GLIS1: variants seen among roughly 807,000 people sequenced by gnomAD.
GLIS1 encodes the protein zinc finger protein GLIS1.
GLIS1 carries 24 observed loss-of-function variants against 63.8 expected under a neutral mutation model. That is an observed-to-expected ratio of 0.38 (90% CI 0.27 to 0.53). The LOEUF (loss-of-function observed/expected upper bound fraction) is 0.53. Ranked by LOEUF, GLIS1 falls within the 20% of genes least tolerant of loss-of-function variation. The pLI, the probability that GLIS1 is intolerant of heterozygous loss-of-function variation, is 0.85. For missense variants in GLIS1, 1,036 were observed against 1,074.1 expected (o/e 0.96, Z 0.50); for synonymous variants, 450 against 482.5 (o/e 0.93, Z 0.88).
At chr1:53,535,269 T>C (rs924276411) in intron 4 of GLIS1, among the ~76,000 whole-genome samples, 17 of 152,058 alleles carry the variant, frequency 1.1e-4, no homozygotes, top group African/African-American at 3.9e-4. Flanking sequence ...GGCTCTTCAC[T>C]TGAGGGACTC....
At chr1:53,595,739 T>C (rs568747314) in intron 3 of GLIS1, among the ~76,000 whole-genome samples, 11 of 152,240 alleles carry the variant, frequency 7.2e-5, no homozygotes, top group Non-Finnish European at 1.5e-4. Context: ...GTAATCTAGC[T>C]TAACTTCTAC....
chr1:53,559,993 TC>T (rs1644870139), intron 4 of GLIS1, among the ~76,000 whole-genome samples: 1 of 152,120 alleles, frequency 6.6e-6, no homozygotes, highest in African/African-American at 2.4e-5. Context: ...AACTTATCCT[TC>T]AAGGTCCAAC....
intron 4 of GLIS1, among the ~76,000 whole-genome samples, chr1:53,569,475 AT>A (rs34118422): frequency 1.5e-4 from 18 of 117,218 alleles, no homozygotes; most frequent in Admixed American, 3.2e-4. Flanking sequence ...AAGAAAGTCT[AT>A]TTTTTTTTTT....
rs1644400910 is a variant in GLIS1 at position 53,520,821 on chromosome 1, C to A, written c.1594-55G>T. ...TTAGTGTGAGACCCCTGCCCACCAGCAACCCTCACGTTAGGGGACAGGGCA... is the reference window on the plus strand; with the variant it reads ...TTAGTGTGAGACCCCTGCCCACCAGAAACCCTCACGTTAGGGGACAGGGCA... On this transcript the variant is annotated intron_variant, in intron 6 of 10. Coordinates refer to ENST00000628545, the MANE Select transcript of GLIS1 (RefSeq NM_001367484.1). The A allele has an allele frequency of 3.3e-6, 5 of 1,533,358 alleles. No individual in the cohort carries two copies. The African/African-American group carries it at 5.5e-5, about 17-fold the overall frequency. 95.0% of individuals were successfully genotyped at this position (1,533,358 alleles called of 1,614,324 possible). A position where few individuals can be genotyped will look rare whatever the true frequency, so the allele number is the denominator to read the frequency against.
chr1:53,712,219 G>A (rs1646654471), intron 2 of GLIS1, among the ~76,000 whole-genome samples: 1 of 152,170 alleles, frequency 6.6e-6, no homozygotes, highest in African/African-American at 2.4e-5. Context: ...CTAAAGCAGT[G>A]CTTCTCAGGC....
chr1:53,696,899 G>A (rs1258417334), intron 2 of GLIS1, among the ~76,000 whole-genome samples: 1 of 152,234 alleles, frequency 6.6e-6, no homozygotes, highest in African/African-American at 2.4e-5. Context: ...AACCCTGGCT[G>A]ACAGCCTCTC....
At chr1:53,524,725 G>A (rs541889137) in intron 6 of GLIS1, 52 bp downstream of exon 6, 273 of 1,314,518 alleles carry the variant, frequency 2.1e-4, no homozygotes, top group Non-Finnish European at 2.9e-4. Flanking sequence ...GGCCTGATGC[G>A]GTGCAGGCGG....
Position 53,687,628 on chromosome 1 carries a change from C to G in GLIS1, c.259+50178G>C, listed in dbSNP as rs536351332. 3.6e-4 allele frequency among the ~76,000 whole-genome samples: 55 copies of G among 152,284 alleles called. 1 individual carries two copies. The highest frequency in any genetic ancestry group is 9.2e-4 in the Admixed American group (14 of 15,292). ...GGTCTGCTTACATGCAATGGGTCCC[C>G]CCAGCTAGGAAGGGGCAGCACCAGG... On this transcript the variant is annotated intron_variant, in intron 2 of 10. Transcript: ENST00000628545.
chr1:53,704,163 T>G (rs1646552528), intron 2 of GLIS1, among the ~76,000 whole-genome samples: 1 of 152,222 alleles, frequency 6.6e-6, no homozygotes, highest in Admixed American at 6.5e-5. Flanking sequence ...TCTCTCCCAC[T>G]TGGAAGAAAT....
intron 4 of GLIS1, among the ~76,000 whole-genome samples, chr1:53,552,958 T>C (rs1457676459): frequency 1.3e-5 from 2 of 152,082 alleles, no homozygotes; most frequent in Non-Finnish European, 2.9e-5. Flanking sequence ...GGAGATGGAG[T>C]TAGAGGCACA....
intron 2 of GLIS1, among the ~76,000 whole-genome samples, chr1:53,658,152 T>C (rs1176946872): frequency 6.6e-6 from 1 of 152,174 alleles, no homozygotes; most frequent in African/African-American, 2.4e-5. Context: ...CTCTGCCTAA[T>C]TCACTGCTCC....
At chr1:53,738,231 C>T (rs1646932438) in intron 1 of GLIS1, 125 bp from the exon 2 acceptor site, 1 of 488,412 alleles carries the variant, frequency 2.0e-6, no homozygotes, top group Non-Finnish European at 3.2e-6. Context: ...AGGTTAGCAC[C>T]ACGACACCTA....
intron 2 of GLIS1, among the ~76,000 whole-genome samples, chr1:53,647,672 A>T (rs1645861142): frequency 6.6e-6 from 1 of 151,914 alleles, no homozygotes; most frequent in Non-Finnish European, 1.5e-5. Flanking sequence ...ATTTGAGATA[A>T]ATTCACAAAG....
intron 2 of GLIS1, among the ~76,000 whole-genome samples, chr1:53,632,639 T>C (rs755594395): frequency 2.9e-5 from 4 of 138,600 alleles, no homozygotes; most frequent in Non-Finnish European, 6.2e-5. Context: ...TGAATGAGTG[T>C]GATTGAGGGG....
At chr1:53,650,811 G>T (rs1440012786) in intron 2 of GLIS1, among the ~76,000 whole-genome samples, 1 of 152,176 alleles carries the variant, frequency 6.6e-6, no homozygotes, top group South Asian at 2.1e-4. Flanking sequence ...ATCTCACCCC[G>T]TCTGCCCACT....
intron 2 of GLIS1, among the ~76,000 whole-genome samples, chr1:53,698,350 C>T (rs1198472860): frequency 1.3e-5 from 2 of 152,192 alleles, no homozygotes; most frequent in Non-Finnish European, 2.9e-5. Context: ...GGAACAGGAA[C>T]AGGAGCCAAC....
intron 2 of GLIS1, among the ~76,000 whole-genome samples, chr1:53,667,750 C>A (rs1392056430): frequency 6.6e-6 from 1 of 152,218 alleles, no homozygotes; most frequent in Non-Finnish European, 1.5e-5. Context: ...GCAAAAAGGG[C>A]AAGCTAGCTG....
intron 7 of GLIS1, among the ~76,000 whole-genome samples, chr1:53,518,733 G>A (rs1644376846): frequency 6.6e-6 from 1 of 152,214 alleles, no homozygotes; most frequent in Admixed American, 6.5e-5. Flanking sequence ...GGTAGCATGG[G>A]TTTCACATCC....
At chr1:53,682,351 G>GTCCCTGCA (rs1489404158) in intron 2 of GLIS1, among the ~76,000 whole-genome samples, 1 of 152,288 alleles carries the variant, frequency 6.6e-6, no homozygotes, top group Non-Finnish European at 1.5e-5. Context: ...ATCAGGCACA[G>GTCCCTGCA]TCCCTGCATC....
Sources: gnomAD v4.1 joint callset for allele counts (sites outside exome capture counted in the v4.1 genomes callset) on GRCh38, gnomAD v4.1.1 for gene constraint, MANE v1.5 for transcripts, NCBI Gene and HGNC (gene_info 2026-07-23, HGNC 2026-07-21) for gene names.